The following PACRGL variants were observed in gnomAD, a reference collection of about 807,000 sequenced individuals.
PACRGL encodes PACRG-like protein.
A neutral mutation model predicts 34.5 loss-of-function variants in PACRGL; 38 were observed. The observed-to-expected ratio is 1.10, with a 90% CI of 0.85 to 1.44. PACRGL has a LOEUF of 1.44. Among genes scored for constraint, PACRGL ranks in the 40% most tolerant of loss-of-function variants. PACRGL has a pLI of 0.00. For synonymous variants in PACRGL, 128 were observed against 100.1 expected, an observed-to-expected ratio of 1.28 and a Z score of -1.66; for missense variants, 305 against 281.4, an observed-to-expected ratio of 1.08 and a Z score of -0.60.
intron 7 of PACRGL, among the ~76,000 whole-genome samples, chr4:20,724,066 G>A (rs1317263644): frequency 6.6e-6 from 1 of 152,148 alleles, no homozygotes; most frequent in Non-Finnish European, 1.5e-5. Flanking sequence ...TTCAAAACCA[G>A]TTACTGAACC....
chr4:20,699,333 A>AGAT (rs529052191), upstream of PACRGL, among the ~76,000 whole-genome samples: 84 of 152,332 alleles, frequency 5.5e-4, no homozygotes, highest in African/African-American at 2.0e-3. Flanking sequence ...CTAGTGAGAA[A>AGAT]GATAGGTAAA....
chr4:20,762,086 A>G, the PACRGL span, among the ~76,000 whole-genome samples: 1 of 152,128 alleles, frequency 6.6e-6, no homozygotes, highest in Non-Finnish European at 1.5e-5. Flanking sequence ...AAACAATAGA[A>G]ATTTATTTCT....
intron 8 of PACRGL, among the ~76,000 whole-genome samples, chr4:20,725,223 AAACCGAACGATT>A (rs1453289697): frequency 6.6e-6 from 1 of 152,112 alleles, no homozygotes. Flanking sequence ...AAAGTTCAGA[AAACCGAACGATT>A]AACTTAGCTC....
chr4:20,697,088 T>G (rs954604345), upstream of PACRGL, among the ~76,000 whole-genome samples: 1 of 152,362 alleles, frequency 6.6e-6, no homozygotes, highest in African/African-American at 2.4e-5. Context: ...TCACTCATGT[T>G]GATTTCATTT....
intron 8 of PACRGL, chr4:20,749,685 GGTCT>G: frequency 6.2e-7 from 1 of 1,608,450 alleles, no homozygotes; most frequent in Non-Finnish European, 8.5e-7. Context: ...GCTCCATTGT[GGTCT>G]GTATCAAATG....
chr4:20,767,243 G>A, the PACRGL span: 1 of 152,110 alleles, frequency 6.6e-6, no homozygotes, highest in South Asian at 2.1e-4. Flanking sequence ...TTCTATTCTA[G>A]TGTTATAAGT....
intron 7 of PACRGL, chr4:20,716,367 A>G: frequency 1.7e-6 from 1 of 582,298 alleles, no homozygotes; most frequent in Non-Finnish European, 3.0e-6. Flanking sequence ...TTTTAATTAT[A>G]CTTTAAGTTC....
Position 20,713,474 on chromosome 4 carries a change from C to G in PACRGL, c.544C>G (p.Leu182Val), listed in dbSNP as rs750811099. The G allele has an allele frequency of 6.2e-7, 1 of 1,613,750 alleles. No homozygotes were observed. The change falls in exon 7 of 9, where the codon CTA (leucine) becomes GTA (valine). Residue 182 changes from leucine (L) to valine (V), a missense_variant. Coordinates refer to ENST00000503585, the MANE Select transcript of PACRGL (RefSeq NM_001258345.3). ...DEVFERGLNA[L>V]VQLSVVVGPS... ...AGTGTTTGAAAGAGGATTGAATGCT[C>G]TAGTTCAGCTAAGTGTCGTTGTTGG...
At chr4:20,705,324 A>C (rs1734038943) in intron 3 of PACRGL, among the ~76,000 whole-genome samples, 2 of 152,156 alleles carry the variant, frequency 1.3e-5, no homozygotes, top group Admixed American at 1.3e-4. Context: ...CTGTGCAACA[A>C]CACCAGGTGT....
At position 20,730,209 on chromosome 4, in the gene PACRGL, T is replaced by TCCTCCCATCAACCACCTCAACCA. The variant is rs1372503724; in HGVS notation, c.*2872_*2894dup. 6.1e-6 allele frequency: 9 copies of TCCTCCCATCAACCACCTCAACCA among 1,477,118 alleles called. 1 individual carries two copies. In the Middle Eastern group the frequency reaches 5.4e-4, roughly 89 times the overall value. The allele number at this position is 1,477,118 out of a possible 1,614,324, so 91.5% of individuals were successfully genotyped here. A position where few individuals can be genotyped will look rare whatever the true frequency, so the allele number is the denominator to read the frequency against. ...CACTATTTTGCCCCTGAGTATTGCC[T>TCCTCCCATCAACCACCTCAACCA]CCTCCCATCAACCACCTCAACCACC... is the stretch of plus-strand genomic sequence containing the variant. On this transcript the variant is annotated 3_prime_UTR_variant, in exon 9 of 9. Transcript: ENST00000503585.
intron 1 of PACRGL, among the ~76,000 whole-genome samples, chr4:20,703,846 G>A (rs1173950881): frequency 6.6e-6 from 1 of 152,176 alleles, no homozygotes; most frequent in East Asian, 1.9e-4. Flanking sequence ...CTCATCACGT[G>A]TAGCATTGAG....
intron 8 of PACRGL, among the ~76,000 whole-genome samples, chr4:20,744,525 C>G (rs1363846285): frequency 6.6e-6 from 1 of 151,956 alleles, no homozygotes; most frequent in Non-Finnish European, 1.5e-5. Context: ...GGACAGAAAA[C>G]CAAACACCGC....
chr4:20,729,251 A>C lies in PACRGL; in HGVS notation c.*1910A>C, dbSNP rs1009306447. On this transcript the variant is annotated 3_prime_UTR_variant, in exon 9 of 9. Coordinates refer to ENST00000503585, the MANE Select transcript of PACRGL (RefSeq NM_001258345.3). ...TATATACTGGAGGATAGATATCCTG[A>C]CCCTTTGCATATGTCTGTAAACATC... is the stretch of plus-strand genomic sequence containing the variant. The C allele has an allele frequency of 6.6e-6, 1 of 151,886 alleles. No homozygotes were observed. The highest frequency in any genetic ancestry group is 1.5e-5 in the Non-Finnish European group (1 of 68,002). 9.4% of individuals were successfully genotyped at this position (151,886 alleles called of 1,614,324 possible).
upstream of PACRGL, among the ~76,000 whole-genome samples, chr4:20,699,410 CAT>C (rs1403352780): frequency 1.3e-5 from 2 of 152,114 alleles, no homozygotes; most frequent in East Asian, 3.8e-4. Flanking sequence ...AGAAATTAGA[CAT>C]AGACAGAATT....
At chr4:20,710,069 T>A (rs1736429442) in intron 5 of PACRGL, among the ~76,000 whole-genome samples, 1 of 152,154 alleles carries the variant, frequency 6.6e-6, no homozygotes, top group African/African-American at 2.4e-5. Context: ...GAGGAGAGAT[T>A]TTTTGGTACT....
At chr4:20,760,254 A>G in the PACRGL span, among the ~76,000 whole-genome samples, 8 of 152,056 alleles carry the variant, frequency 5.3e-5, no homozygotes, top group African/African-American at 1.9e-4. Flanking sequence ...CCTAACGTCC[A>G]CCCAGGACTA....
chr4:20,756,632 G>A (rs1026283340), downstream of PACRGL, among the ~76,000 whole-genome samples: 3 of 151,566 alleles, frequency 2.0e-5, no homozygotes, highest in African/African-American at 4.8e-5. Flanking sequence ...TCTGCAATTT[G>A]GCTTCTGCTT....
chr4:20,712,621 C>A, intron 5 of PACRGL, 167 bp from the exon 6 acceptor site: 1 of 642,564 alleles, frequency 1.6e-6, no homozygotes, highest in Non-Finnish European at 2.3e-6. Flanking sequence ...CCCTTTGTCC[C>A]ACAGTTTCTC....
chr4:20,712,825 C>T lies in PACRGL; in HGVS notation c.404C>T (p.Ser135Leu). ...RETKHPYTFV[S>L]KEGFRELLLV... ...ACTAAGCATCCATACACTTTTGTGT[C>T]AAAGGAGGGTTTTAGAGAATTACTT... is the stretch of plus-strand genomic sequence containing the variant. Residue 135 changes from serine to leucine, a missense_variant, in exon 6 of 9, where the codon TCA (serine) becomes TTA (leucine). Transcript: ENST00000503585. 6.3e-7 allele frequency: 1 copy of T among 1,596,712 alleles called. No individual in the cohort carries two copies.
Sources: gnomAD v4.1 joint callset for allele counts (sites outside exome capture counted in the v4.1 genomes callset) on GRCh38, gnomAD v4.1.1 for gene constraint, MANE v1.5 for transcripts, NCBI Gene and HGNC (gene_info 2026-07-23, HGNC 2026-07-21) for gene names.